Variants in PLEKHM3 observed in about 807,000 individuals in gnomAD.
PLEKHM3 encodes the protein pleckstrin homology domain containing M3, also known as pleckstrin homology domain-containing family M member 3.
PLEKHM3 carries 45 observed loss-of-function variants against 81.8 expected under a neutral mutation model. The ratio of observed to expected loss-of-function variants is 0.55; its 90% confidence interval spans 0.43 to 0.71. The LOEUF is 0.71. PLEKHM3 is among the 30% of genes least tolerant of loss of function. The probability of loss-of-function intolerance (pLI) is 0.00; values close to 1 mark genes in which losing one functional copy is unlikely to be tolerated. For synonymous variants in PLEKHM3, 352 were observed against 356.4 expected (o/e 0.99, Z 0.14); for missense variants, 788 against 924.3 (o/e 0.85, Z 1.91).
intron 2 of PLEKHM3, among the ~76,000 whole-genome samples, chr2:207,988,920 T>G (rs1213667096): frequency 2.0e-5 from 3 of 152,218 alleles, no homozygotes; most frequent in African/African-American, 7.2e-5. Flanking sequence ...CCATGTTCTC[T>G]GTCTGGGGCT....
chr2:207,862,054 A>G (rs887411900), intron 6 of PLEKHM3, among the ~76,000 whole-genome samples: 7 of 152,082 alleles, frequency 4.6e-5, no homozygotes, highest in Non-Finnish European at 1.0e-4. Context: ...CCTGCCTTCC[A>G]CAGTGGCCTC....
intron 6 of PLEKHM3, among the ~76,000 whole-genome samples, chr2:207,907,634 G>A (rs981611028): frequency 3.3e-5 from 5 of 152,036 alleles, no homozygotes; most frequent in African/African-American, 9.7e-5. Flanking sequence ...ACAAGTCAAG[G>A]GCTTAACACA....
chr2:207,873,373 C>G (rs754279172), intron 6 of PLEKHM3, among the ~76,000 whole-genome samples: 6 of 152,168 alleles, frequency 3.9e-5, no homozygotes, highest in Non-Finnish European at 5.9e-5. Flanking sequence ...GTTTCCTCAT[C>G]TACAAAATAA....
chr2:207,848,427 T>A (rs574873946), intron 7 of PLEKHM3, among the ~76,000 whole-genome samples: 1 of 152,222 alleles, frequency 6.6e-6, no homozygotes, highest in Admixed American at 6.5e-5. Context: ...TCAGCCTCCA[T>A]GGAGCCTTCT....
chr2:207,891,540 C>CT (rs1688060604), intron 6 of PLEKHM3, among the ~76,000 whole-genome samples: 1 of 152,232 alleles, frequency 6.6e-6, no homozygotes. Context: ...TGCTAAACTG[C>CT]TTTTCAGAGG....
intron 7 of PLEKHM3, among the ~76,000 whole-genome samples, chr2:207,858,817 T>A (rs1387198196): frequency 2.0e-5 from 3 of 152,152 alleles, no homozygotes; most frequent in Non-Finnish European, 4.4e-5. Flanking sequence ...TCACGTACCA[T>A]AAAACTCACC....
intron 7 of PLEKHM3, among the ~76,000 whole-genome samples, chr2:207,856,444 A>T (rs1357425292): frequency 2.0e-5 from 3 of 152,242 alleles, no homozygotes; most frequent in African/African-American, 7.2e-5. Context: ...TCACTGTCCT[A>T]CAAATCTCCT....
chr2:207,867,437 C>T lies in PLEKHM3; in HGVS notation c.1951-6175G>A, dbSNP rs555821098. ...TTCCTTTAATATTGTAGAAGGAAAA[C>T]CTTACATTTATAATTTTCCAGGGGT... On this transcript the variant is annotated intron_variant, in intron 6 of 7. Transcript: ENST00000427836. 8.5e-5 allele frequency among the ~76,000 whole-genome samples: 13 copies of T among 152,112 alleles called. No individual in the cohort carries two copies. The East Asian group carries it at 2.5e-3, about 29-fold the overall frequency.
At chr2:207,858,020 T>C (rs2092444994) in intron 7 of PLEKHM3, among the ~76,000 whole-genome samples, 1 of 151,810 alleles carries the variant, frequency 6.6e-6, no homozygotes. Flanking sequence ...ATTTTATATT[T>C]CATTTTCATT....
chr2:207,846,993 C>T (rs1400791176), intron 7 of PLEKHM3, among the ~76,000 whole-genome samples: 1 of 152,048 alleles, frequency 6.6e-6, no homozygotes, highest in East Asian at 1.9e-4. Flanking sequence ...ATGAGTTAAA[C>T]GATGAACAAT....
chr2:207,930,970 A>G lies in PLEKHM3; in HGVS notation c.1842T>C (p.Tyr614=), dbSNP rs200824259. The change falls in exon 5 of 8, where the codon TAT becomes TAC. Residue 614 remains tyrosine (Y), a synonymous_variant. Coordinates refer to ENST00000427836, the MANE Select transcript of PLEKHM3 (RefSeq NM_001080475.3). ...LRQRLKSLRA[Y]LFSCRAAVAE... is the part of the protein sequence containing the mutation. ...CCACCGCTGCCCGGCAGCTGAACAA[A>G]TAGGCTCGGAGCGACTTCAGCCGCT... 6.2e-7 allele frequency: 1 copy of G among 1,613,636 alleles called. No homozygotes were observed. The highest frequency in any genetic ancestry group is 8.5e-7 in the Non-Finnish European group (1 of 1,179,590).
Position 207,874,902 on chromosome 2 carries a change from A to G in PLEKHM3, c.1951-13640T>C, listed in dbSNP as rs114382413. Among the ~76,000 whole-genome samples the G allele has an allele frequency of 7.4e-3, 1,120 of 152,076 alleles. 16 individuals are homozygous for G. The highest frequency in any genetic ancestry group is 0.025 in the African/African-American group (1,019 of 41,516). ...ACCATGTCTGGCCTTTAAAAACTATATTTTCTGATAAACTGAAGACTTAAA... is the reference window on the plus strand; with the variant it reads ...ACCATGTCTGGCCTTTAAAAACTATGTTTTCTGATAAACTGAAGACTTAAA... On this transcript the variant is annotated intron_variant, in intron 6 of 7. Coordinates refer to ENST00000427836, the MANE Select transcript of PLEKHM3 (RefSeq NM_001080475.3).
At chr2:207,837,120 G>A (rs1463074036) in intron 7 of PLEKHM3, among the ~76,000 whole-genome samples, 1 of 152,140 alleles carries the variant, frequency 6.6e-6, no homozygotes, top group East Asian at 1.9e-4. Context: ...TAAATGTTTT[G>A]GGTTGGTGTT....
rs367872647 is a variant in PLEKHM3, at chr2:207,981,816, A to G, written c.611-4230T>C. ...TTTAAAGTATTCAATTTCATAAATA[A>G]TAAAATCTCACAATGACTAATTTGA... is the stretch of plus-strand genomic sequence containing the variant. On this transcript the variant is annotated intron_variant, in intron 2 of 7. Coordinates refer to ENST00000427836, the MANE Select transcript of PLEKHM3 (RefSeq NM_001080475.3). 1.8e-4 allele frequency among the ~76,000 whole-genome samples: 28 copies of G among 152,368 alleles called. 1 individual carries two copies. The highest frequency in any genetic ancestry group is 6.7e-4 in the African/African-American group (28 of 41,590).
rs2092494703 is a variant in PLEKHM3 at position 207,865,800 on chromosome 2, AAAGATATATATAT to A, written c.1951-4551_1951-4539del. On this transcript the variant is annotated intron_variant, in intron 6 of 7. Transcript: ENST00000427836. ...CCGACTCAAAAAAAAAAAAAAAAAA[AAAGATATATATAT>A]ATATATATATATATATATATATATA... Among the ~76,000 whole-genome samples, 7 of 44,158 alleles carry A rather than the reference AAAGATATATATAT, an allele frequency of 1.6e-4. 1 individual carries two copies. Among genetic ancestry groups the A allele is most frequent in the African/African-American group, 7.7e-4 (5 of 6,470 alleles). The allele number at this position is 44,158 out of a possible 152,430, so 29.0% of individuals were successfully genotyped here.
intron 1 of PLEKHM3, among the ~76,000 whole-genome samples, chr2:208,011,064 C>CAAAAAAAAAAAAAAAAAAAAAAAAAAA (rs10587149): frequency 1.5e-5 from 1 of 65,054 alleles, no homozygotes; most frequent in Non-Finnish European, 4.0e-5. Context: ...TGGCCATAAT[C>CAAAAAAAAAAAAAAAAAAAAAAAAAAA]AAAAAAAAAA....
At chr2:207,986,859 T>C (rs1300744092) in intron 2 of PLEKHM3, among the ~76,000 whole-genome samples, 1 of 149,730 alleles carries the variant, frequency 6.7e-6, no homozygotes, top group Non-Finnish European at 1.5e-5. Context: ...TTTTTTTTTT[T>C]TGTAGAGACA....
Position 207,968,324 on chromosome 2 carries a change from C to G in PLEKHM3, c.1546+8327G>C, listed in dbSNP as rs1268746114. ...TATCTTTGATAGATGGTAGCAAAAGCCAAGGAGATTTTCCCTGAGTTAAAT... is the reference window on the plus strand; with the variant it reads ...TATCTTTGATAGATGGTAGCAAAAGGCAAGGAGATTTTCCCTGAGTTAAAT... On this transcript the variant is annotated intron_variant, in intron 3 of 7. Coordinates refer to ENST00000427836, the MANE Select transcript of PLEKHM3 (RefSeq NM_001080475.3). Among the ~76,000 whole-genome samples the G allele has an allele frequency of 2.0e-5, 3 of 151,992 alleles. No individual in the cohort carries two copies. The East Asian group carries it at 5.8e-4, about 29-fold the overall frequency.
intron 7 of PLEKHM3, among the ~76,000 whole-genome samples, chr2:207,832,706 G>A (rs1050378215): frequency 1.3e-5 from 2 of 151,374 alleles, no homozygotes; most frequent in African/African-American, 2.4e-5. Context: ...CAGGAGAATC[G>A]CTTGAACCCG....
Sources: allele counts gnomAD v4.1 joint callset (sites outside exome capture counted in the v4.1 genomes callset), GRCh38; gene constraint gnomAD v4.1.1; transcripts MANE v1.5; gene names NCBI Gene and HGNC (gene_info 2026-07-23, HGNC 2026-07-21).